The following VGF variants were observed in gnomAD, a reference collection of about 807,000 sequenced individuals.
The protein encoded by VGF is neurosecretory protein VGF.
In VGF, 13 loss-of-function variants were observed where a neutral mutation model predicts 41.1. The ratio of observed to expected loss-of-function variants is 0.32; its 90% confidence interval spans 0.21 to 0.50. The LOEUF (loss-of-function observed/expected upper bound fraction) is 0.50, where lower values mean the gene tolerates loss of function less well. Ranked by LOEUF, VGF falls within the 20% of genes least tolerant of loss-of-function variation. The probability of loss-of-function intolerance (pLI) is 0.98; values close to 1 mark genes in which losing one functional copy is unlikely to be tolerated. For synonymous variants in VGF, 473 were observed against 418.3 expected (o/e 1.13, Z -1.60); for missense variants, 920 against 882.1 (o/e 1.04, Z -0.54).
chr7:101,166,220 A>T (rs569133456), upstream of VGF, among the ~76,000 whole-genome samples: 3 of 152,320 alleles, frequency 2.0e-5, no homozygotes, highest in South Asian at 6.2e-4. Flanking sequence ...AGATGGGTGG[A>T]TCTTGCGGTT....
chr7:101,164,062 G>A lies in VGF; in HGVS notation c.782C>T (p.Ala261Val), dbSNP rs1797170262. The A allele has an allele frequency of 2.7e-6, 4 of 1,498,488 alleles. No individual in the cohort carries two copies. Among genetic ancestry groups the A allele is most frequent in the African/African-American group, 2.8e-5 (2 of 71,230 alleles). 92.8% of individuals were successfully genotyped at this position (1,498,488 alleles called of 1,614,324 possible). ...VSSPKTHLGE[A>V]LAPLSKAYQG... ...GTACGCCTTGGACAGGGGTGCCAAT[G>A]CCTCGCCTAGGTGTGTTTTGGGGGA... The change falls in exon 2 of 2, where the codon GCA becomes GTA. Residue 261 changes from alanine to valine, a missense_variant. Ala to Val is a moderately conservative substitution (Grantham distance 64, BLOSUM62 0). Coordinates refer to ENST00000249330, the MANE Select transcript of VGF (RefSeq NM_003378.4).
At chr7:101,169,102 A>G (rs1797265686), upstream of VGF, among the ~76,000 whole-genome samples, 1 of 151,930 alleles carries the variant, frequency 6.6e-6, no homozygotes, top group African/African-American at 2.4e-5. Flanking sequence ...ATGATGAGTG[A>G]TGGGAAGGGG....
rs1422044903 is a variant in VGF at position 101,163,079 on chromosome 7, C to T, written c.1765G>A (p.Glu589Lys). Residue 589 changes from glutamate (E) to lysine (K), a missense_variant, in exon 2 of 2, where the codon GAG becomes AAG. Coordinates refer to ENST00000249330, the MANE Select transcript of VGF (RefSeq NM_003378.4). The surrounding 1 kb of genome is among the most constrained non-coding windows in gnomAD (Gnocchi z 5.0). ...REAQARRAQE[E>K]AEAEERRLQE... ...AGCCGGCGCTCCTCCGCCTCCGCCT[C>T]CTCCTGCGCGCGCCGCGCCTGGGCC... 18 of 1,578,358 alleles carry T rather than the reference C, an allele frequency of 1.1e-5. No homozygotes were observed. The highest frequency in any genetic ancestry group is 2.8e-5 in the African/African-American group (2 of 70,766).
chr7:101,168,009 GT>G (rs374063215), upstream of VGF, among the ~76,000 whole-genome samples: 4 of 100,006 alleles, frequency 4.0e-5, no homozygotes, highest in African/African-American at 1.6e-4. Context: ...GTGCTGGGTT[GT>G]TTTTTTTTGT....
At position 101,162,678 on chromosome 7, in the gene VGF, G is replaced by C. The variant is rs1049352650; in HGVS notation, c.*318C>G. 6.2e-6 allele frequency: 3 copies of C among 480,978 alleles called. No homozygotes were observed. 29.8% of individuals were successfully genotyped at this position (480,978 alleles called of 1,614,324 possible). A position where few individuals can be genotyped will look rare whatever the true frequency, so the allele number is the denominator to read the frequency against. ...CAGACACACTTCACACAATTAACTG[G>C]AACTGCTTTTTCCGGTTTCCGACGG... On this transcript the variant is annotated 3_prime_UTR_variant, in exon 2 of 2. Transcript: ENST00000249330. This position sits in a 1 kb window ranked among gnomAD's most constrained non-coding sequence, Gnocchi z 4.2.
upstream of VGF, among the ~76,000 whole-genome samples, chr7:101,165,823 G>T (rs1418878205): frequency 2.0e-5 from 3 of 152,208 alleles, no homozygotes; most frequent in Non-Finnish European, 4.4e-5. Flanking sequence ...ATGCTGAAGC[G>T]GGCAGGGCGG....
upstream of VGF, among the ~76,000 whole-genome samples, chr7:101,168,084 C>A (rs1797249080): frequency 6.6e-6 from 1 of 150,692 alleles, no homozygotes; most frequent in Admixed American, 6.6e-5. Context: ...TGAGCACACC[C>A]AGTTCTGGGC....
upstream of VGF, among the ~76,000 whole-genome samples, chr7:101,168,787 AAG>A: frequency 6.6e-6 from 1 of 152,158 alleles, no homozygotes; most frequent in South Asian, 2.1e-4. Flanking sequence ...CTGGGAGAGA[AAG>A]AGAGAGCAGG....
At chr7:101,166,521 G>C (rs1797221733), upstream of VGF, among the ~76,000 whole-genome samples, 1 of 150,536 alleles carries the variant, frequency 6.6e-6, no homozygotes, top group South Asian at 2.1e-4. Flanking sequence ...CAGGTGGGGG[G>C]GGGGTGACTC....
At chr7:101,169,216 G>A (rs1177599931), upstream of VGF, among the ~76,000 whole-genome samples, 2 of 151,942 alleles carry the variant, frequency 1.3e-5, no homozygotes, top group African/African-American at 2.4e-5. Context: ...GGGCAACGCC[G>A]CAGAGATGAG....
chr7:101,162,945 C>T lies in VGF; in HGVS notation c.*51G>A, dbSNP rs1304009681. The T allele has an allele frequency of 3.2e-6, 3 of 927,610 alleles. No homozygotes were observed. Among genetic ancestry groups the T allele is most frequent in the Admixed American group, 4.3e-5 (1 of 23,006 alleles). 57.5% of individuals were successfully genotyped at this position (927,610 alleles called of 1,614,324 possible). On this transcript the variant is annotated 3_prime_UTR_variant, in exon 2 of 2. Coordinates refer to ENST00000249330, the MANE Select transcript of VGF (RefSeq NM_003378.4). The surrounding 1 kb of genome is among the most constrained non-coding windows in gnomAD (Gnocchi z 4.2). Reference sequence around the variant, plus strand: ...GGAGCGGGCAACACGGAGGGGGGCGCCGGCGCGCGCGCGCGGCGGGGGCGC... The same window carrying T: ...GGAGCGGGCAACACGGAGGGGGGCGTCGGCGCGCGCGCGCGGCGGGGGCGC...
rs775685394 is a variant in VGF at position 101,163,526 on chromosome 7, C to G, written c.1318G>C (p.Glu440Gln). ...TCCATCTCCTCGTCGTCCTCCTCCT[C>G]CCCGCCCTCCTCTGTCCCCTCGGCC... ...KEAEGTEEGG[E>Q]EEDDEEMDPQ... The change falls in exon 2 of 2, where the codon GAG becomes CAG. Residue 440 changes from glutamate to glutamine, a missense_variant. By Grantham distance (29) the Glu-to-Gln change is conservative. Coordinates refer to ENST00000249330, the MANE Select transcript of VGF (RefSeq NM_003378.4). This position sits in a 1 kb window ranked among gnomAD's most constrained non-coding sequence, Gnocchi z 5.0. 1.2e-6 allele frequency: 2 copies of G among 1,608,686 alleles called. No homozygotes were observed. Among genetic ancestry groups the G allele is most frequent in the Non-Finnish European group, 1.7e-6 (2 of 1,177,856 alleles).
chr7:101,166,347 T>G (rs930723369), upstream of VGF, among the ~76,000 whole-genome samples: 4 of 152,178 alleles, frequency 2.6e-5, no homozygotes, highest in Non-Finnish European at 5.9e-5. Flanking sequence ...GAAAAAGGTG[T>G]GTCTGTCCTT....
In VGF at chr7:101,163,999, G is replaced by T; in HGVS notation, c.845C>A (p.Pro282Gln). ...GGAGCCGCCCAGGAGTGCGCTCTCC[G>T]GCCGGCGCGCCTTGGGGAACGGGGC... ...VAAPFPKARR[P>Q]ESALLGGSEA... is the part of the protein sequence containing the mutation. Residue 282 changes from proline to glutamine, a missense_variant, in exon 2 of 2, where the codon CCG becomes CAG. Around this residue, in one of 3 missense-constraint regions of VGF, gnomAD observed 654 missense variants for 638.4 expected, o/e 1.02. Transcript: ENST00000249330. This position sits in a 1 kb window ranked among gnomAD's most constrained non-coding sequence, Gnocchi z 5.0. The T allele has an allele frequency of 6.8e-7, 1 of 1,469,770 alleles. No homozygotes were observed. The highest frequency in any genetic ancestry group is 8.9e-7 in the Non-Finnish European group (1 of 1,124,066). 91.0% of individuals were successfully genotyped at this position (1,469,770 alleles called of 1,614,324 possible). A position where few individuals can be genotyped will look rare whatever the true frequency, so the allele number is the denominator to read the frequency against.
upstream of VGF, among the ~76,000 whole-genome samples, chr7:101,169,062 G>T (rs1797265021): frequency 6.6e-6 from 1 of 152,084 alleles, no homozygotes; most frequent in African/African-American, 2.4e-5. Flanking sequence ...GGGACTGAGG[G>T]GTGGGCTGGG....
chr7:101,165,340 C>A (rs1797200871), intron 1 of VGF, 34 bp downstream of exon 1: 1 of 985,590 alleles, frequency 1.0e-6, no homozygotes, highest in Non-Finnish European at 1.2e-6. Context: ...GGCTGGCTGC[C>A]GAGGGTTTGA....
In VGF at chr7:101,162,937, GGGGGGCGCCGGCGCGCGCGCGCGGC is replaced by G. The variant is rs1365129064; in HGVS notation, c.*34_*58del. 7.2e-6 allele frequency: 6 copies of G among 831,296 alleles called. No individual in the cohort carries two copies. Among genetic ancestry groups the G allele is most frequent in the Admixed American group, 4.4e-5 (1 of 22,912 alleles). The allele number at this position is 831,296 out of a possible 1,614,324, so 51.5% of individuals were successfully genotyped here. A position where few individuals can be genotyped will look rare whatever the true frequency, so the allele number is the denominator to read the frequency against. ...ACCGAGGGGGAGCGGGCAACACGGA[GGGGGGCGCCGGCGCGCGCGCGCGGC>G]GGGGGCGCGCGGGGGCGGGACCGGG... On this transcript the variant is annotated 3_prime_UTR_variant, in exon 2 of 2. Coordinates refer to ENST00000249330, the MANE Select transcript of VGF (RefSeq NM_003378.4). The surrounding 1 kb of genome is among the most constrained non-coding windows in gnomAD (Gnocchi z 4.2).
At chr7:101,168,319 T>C (rs1368473994), upstream of VGF, among the ~76,000 whole-genome samples, 1 of 152,114 alleles carries the variant, frequency 6.6e-6, no homozygotes, top group Non-Finnish European at 1.5e-5. Context: ...TTCCACAATC[T>C]GGGTCTTGAC....
At chr7:101,167,645 G>A (rs1380610358), upstream of VGF, among the ~76,000 whole-genome samples, 2 of 152,178 alleles carry the variant, frequency 1.3e-5, no homozygotes, top group African/African-American at 4.8e-5. The surrounding 1 kb of genome is among the most constrained non-coding windows in gnomAD (Gnocchi z 4.2). Flanking sequence ...GGGAGCCAAG[G>A]GGGCTGACTG....
Sources: allele counts gnomAD v4.1 joint callset (sites outside exome capture counted in the v4.1 genomes callset), GRCh38; gene constraint gnomAD v4.1.1; regional missense constraint gnomAD v4.1.1; non-coding constraint Gnocchi (gnomAD v3.1); transcripts MANE v1.5; gene names NCBI Gene and HGNC (gene_info 2026-07-23, HGNC 2026-07-21).